Variants in DPH1 observed in about 807,000 individuals in gnomAD.
DPH1 encodes 2-(3-amino-3-carboxypropyl)histidine synthase subunit 1.
Under a neutral mutation model 55.3 loss-of-function variants are expected in DPH1, and 59 were observed. The observed-to-expected ratio is 1.07, with a 90% CI of 0.87 to 1.33. The LOEUF is 1.33. DPH1 is among the 40% of genes most tolerant of loss of function. The pLI, the probability that DPH1 is intolerant of heterozygous loss-of-function variation, is 0.00. For missense variants in DPH1, 628 were observed against 584.8 expected, an observed-to-expected ratio of 1.07 and a Z score of -0.76; for synonymous variants, 238 against 235.5, an observed-to-expected ratio of 1.01 and a Z score of -0.10.
At chr17:2,041,038 C>T in intron 9 of DPH1, 65 bp from the exon 10 acceptor site, 1 of 1,499,090 alleles carries the variant, frequency 6.7e-7, no homozygotes. Flanking sequence ...CTGTCATGTT[C>T]TTCAGCATGC....
At chr17:2,038,312 C>G (rs922145269) in intron 6 of DPH1, among the ~76,000 whole-genome samples, 1 of 152,094 alleles carries the variant, frequency 6.6e-6, no homozygotes, top group African/African-American at 2.4e-5. Context: ...GAGTAAGACC[C>G]TGCCTCAAAA....
In DPH1 at chr17:2,042,781, G is replaced by C; in HGVS notation, c.*195G>C. On this transcript the variant is annotated 3_prime_UTR_variant, in exon 13 of 13. Transcript: ENST00000263083. ...TGACGGCCTTCTTGGTTTCAGCCAA[G>C]GGGCTGCGCTAGCAGCCCTTGTGTG... The C allele has an allele frequency of 6.2e-7, 1 of 1,611,788 alleles. No homozygotes were observed. The highest frequency in any genetic ancestry group is 1.3e-5 in the African/African-American group (1 of 74,766).
chr17:2,043,283 G>A lies in DPH1; in HGVS notation c.*697G>A. 1 of 739,632 alleles carries A rather than the reference G, an allele frequency of 1.4e-6. No homozygotes were observed. The highest frequency in any genetic ancestry group is 2.0e-5 in the South Asian group (1 of 50,038). The allele number at this position is 739,632 out of a possible 1,614,324, so 45.8% of individuals were successfully genotyped here. On this transcript the variant is annotated 3_prime_UTR_variant, in exon 13 of 13. Coordinates refer to ENST00000263083, the MANE Select transcript of DPH1 (RefSeq NM_001383.6). ...GGGCCCTGCCCTGTACTGAAGAAAAGGGGAGCACAAGGCCTTAATGGACAT... is the reference window on the plus strand; with the variant it reads ...GGGCCCTGCCCTGTACTGAAGAAAAAGGGAGCACAAGGCCTTAATGGACAT...
At chr17:2,030,572 C>T (rs540503397) in intron 1 of DPH1, among the ~76,000 whole-genome samples, 1 of 152,330 alleles carries the variant, frequency 6.6e-6, no homozygotes, top group East Asian at 1.9e-4. Flanking sequence ...TCAGGGAATG[C>T]TTTCAGGGAA....
chr17:2,040,263 C>A lies in DPH1; in HGVS notation c.795C>A (p.His265Gln). The A allele has an allele frequency of 6.2e-7, 1 of 1,614,102 alleles. No homozygotes were observed. Among genetic ancestry groups the A allele is most frequent in the Non-Finnish European group, 8.5e-7 (1 of 1,180,028 alleles). The change falls in exon 8 of 13, where the codon CAC (histidine) becomes CAA (glutamine). Residue 265 changes from histidine to glutamine, a missense_variant. His to Gln is a conservative substitution (Grantham distance 24, BLOSUM62 0). Coordinates refer to ENST00000263083, the MANE Select transcript of DPH1 (RefSeq NM_001383.6). ...TCCTATCCAGAGAACACTATGACCA[C>A]CAGCGCATGCAGGCTGCTCGCCAAG... Reference protein sequence around the residue: ...SKVLSREHYDHQRMQAARQEA... With the variant: ...SKVLSREHYDQQRMQAARQEA...
chr17:2,034,538 G>A (rs1358493036), intron 3 of DPH1, among the ~76,000 whole-genome samples: 2 of 76,510 alleles, frequency 2.6e-5, no homozygotes, highest in Admixed American at 1.6e-4. Flanking sequence ...CCCATCCCCT[G>A]CTGCCCCATC....
Position 2,042,241 on chromosome 17 carries a change from G to A in DPH1, c.*19-364G>A, listed in dbSNP as rs992319769. The A allele has an allele frequency of 4.9e-6, 7 of 1,414,650 alleles. No individual in the cohort carries two copies. The East Asian group carries it at 2.0e-4, about 40-fold the overall frequency. The allele number at this position is 1,414,650 out of a possible 1,614,324, so 87.6% of individuals were successfully genotyped here. ...GCCAGATCAGACTTCGGTGAGACAAGCCCCGCTCCGGAAACGCACTCAGTT... is the reference window on the plus strand; with the variant it reads ...GCCAGATCAGACTTCGGTGAGACAAACCCCGCTCCGGAAACGCACTCAGTT... On this transcript the variant is annotated intron_variant, in intron 12 of 12. Transcript: ENST00000263083.
chr17:2,031,947 C>T (rs115446522), intron 1 of DPH1, among the ~76,000 whole-genome samples: 179 of 152,240 alleles, frequency 1.2e-3, no homozygotes, highest in African/African-American at 4.0e-3. Flanking sequence ...CTTACTGGTA[C>T]GTCCACCACC....
chr17:2,042,068 G>C (rs768205267), intron 12 of DPH1, 193 bp downstream of exon 12: 2 of 1,555,526 alleles, frequency 1.3e-6, no homozygotes, highest in Non-Finnish European at 1.7e-6. Flanking sequence ...AGCGACCCCT[G>C]CGGGTCCTGT....
At chr17:2,031,043 C>T (rs1278169229) in intron 1 of DPH1, among the ~76,000 whole-genome samples, 1 of 152,244 alleles carries the variant, frequency 6.6e-6, no homozygotes, top group Non-Finnish European at 1.5e-5. Flanking sequence ...AGTCTCAATA[C>T]ATATTCGTTG....
In DPH1 at chr17:2,039,832, T is replaced by G; in HGVS notation, c.749+9T>G. 6.2e-7 allele frequency: 1 copy of G among 1,613,974 alleles called. No individual in the cohort carries two copies. The highest frequency in any genetic ancestry group is 8.5e-7 in the Non-Finnish European group (1 of 1,180,004). ...AATGTCCCCGCTTACCGGTATGGGC[T>G]GGGCCGGGCTGGGCTGACCAGCTGG... On this transcript the variant is annotated intron_variant, in intron 7 of 12. Coordinates refer to ENST00000263083, the MANE Select transcript of DPH1 (RefSeq NM_001383.6).
At chr17:2,041,932 T>TGGCGCTCCGAGGCC in intron 12 of DPH1, 57 bp downstream of exon 12, 1 of 1,530,362 alleles carries the variant, frequency 6.5e-7, no homozygotes, top group Non-Finnish European at 8.7e-7. Flanking sequence ...GGGAACGCCT[T>TGGCGCTCCGAGGCC]GGCGCTCCGA....
At chr17:2,040,112 G>T in intron 7 of DPH1, 106 bp from the exon 8 acceptor site, 4 of 1,466,738 alleles carry the variant, frequency 2.7e-6, no homozygotes, top group Non-Finnish European at 3.7e-6. Flanking sequence ...AATTACCTGC[G>T]TGGGGCCTAA....
At position 2,043,267 on chromosome 17, in the gene DPH1, CCTGTA is replaced by C; in HGVS notation, c.*685_*689del. On this transcript the variant is annotated 3_prime_UTR_variant, in exon 13 of 13. Coordinates refer to ENST00000263083, the MANE Select transcript of DPH1 (RefSeq NM_001383.6). The stretch of plus-strand genomic sequence containing the variant: ...GAGACCCAAATTATAAGGGCCCTGC[CCTGTA>C]CTGAAGAAAAGGGGAGCACAAGGCC... The C allele has an allele frequency of 1.2e-6, 1 of 836,600 alleles. No individual in the cohort carries two copies. The highest frequency in any genetic ancestry group is 1.8e-5 in the South Asian group (1 of 54,994). The allele number at this position is 836,600 out of a possible 1,614,324, so 51.8% of individuals were successfully genotyped here. A position where few individuals can be genotyped will look rare whatever the true frequency, so the allele number is the denominator to read the frequency against.
Position 2,040,323 on chromosome 17 carries a change from G to C in DPH1, c.855G>C (p.Trp285Cys). 6.2e-7 allele frequency: 1 copy of C among 1,614,020 alleles called. No individual in the cohort carries two copies. Among genetic ancestry groups the C allele is most frequent in the Non-Finnish European group, 8.5e-7 (1 of 1,180,026 alleles). The change falls in exon 8 of 13, where the codon TGG becomes TGC. Residue 285 changes from tryptophan (W) to cysteine (C), a missense_variant. Transcript: ENST00000263083. The part of the protein sequence containing the change: ...AIATARSAKS[W>C]GLILGTLGRQ... ...CCACTGCCCGCTCAGCTAAGTCCTG[G>C]GGCCTTATTCTGGGCACTTTGGGCC...
Position 2,039,956 on chromosome 17 carries a change from C to T in DPH1, c.749+133C>T, listed in dbSNP as rs981557001. 12 of 1,376,118 alleles carry T rather than the reference C, an allele frequency of 8.7e-6. No individual in the cohort carries two copies. In the Admixed American group the frequency reaches 1.4e-4, roughly 16 times the overall value. 85.2% of individuals were successfully genotyped at this position (1,376,118 alleles called of 1,614,324 possible). ...CCCTAAGGGTCTGAGGCACTTGGGC[C>T]CTGGATCTGGGCATTAGCCCCAGGG... On this transcript the variant is annotated intron_variant, in intron 7 of 12. Transcript: ENST00000263083.
rs1389539357 is a variant in DPH1 at position 2,040,295 on chromosome 17, T to C, written c.827T>C (p.Ile276Thr). 1.2e-6 allele frequency: 2 copies of C among 1,614,080 alleles called. No homozygotes were observed. Among genetic ancestry groups the C allele is most frequent in the African/African-American group, 1.3e-5 (1 of 75,066 alleles). ...ATGCAGGCTGCTCGCCAAGAAGCCA[T>C]AGCCACTGCCCGCTCAGCTAAGTCC... ...QRMQAARQEAIATARSAKSWG... is the reference protein window; with the variant it reads ...QRMQAARQEATATARSAKSWG... Residue 276 changes from isoleucine (I) to threonine (T), a missense_variant, in exon 8 of 13, where the codon ATA (isoleucine) becomes ACA (threonine). Transcript: ENST00000263083.
At position 2,036,094 on chromosome 17, in the gene DPH1, A is replaced by G; in HGVS notation, c.400+3A>G. 1 of 1,613,808 alleles carries G rather than the reference A, an allele frequency of 6.2e-7. No individual in the cohort carries two copies. The highest frequency in any genetic ancestry group is 8.5e-7 in the Non-Finnish European group (1 of 1,179,862). On this transcript the variant is annotated splice_donor_region_variant and intron_variant, in intron 4 of 12. Transcript: ENST00000263083. This position sits in a 1 kb window ranked among gnomAD's most constrained non-coding sequence, Gnocchi z 4.8. ...GCACTACGGCCACAGTTGCCTGAGT[A>G]TGGTGGGGCCAGGACACCTGGACGG...
At chr17:2,030,483 G>A (rs1005326446) in intron 1 of DPH1, among the ~76,000 whole-genome samples, 1 of 152,214 alleles carries the variant, frequency 6.6e-6, no homozygotes, top group African/African-American at 2.4e-5. Flanking sequence ...CCTTGTCTTG[G>A]CGGGTAGACG....
Sources: gnomAD v4.1 joint callset for allele counts (sites outside exome capture counted in the v4.1 genomes callset) on GRCh38, gnomAD v4.1.1 for gene constraint, Gnocchi (gnomAD v3.1) non-coding constraint, MANE v1.5 for transcripts, NCBI Gene and HGNC (gene_info 2026-07-23, HGNC 2026-07-21) for gene names.